The following LY96 variants were observed in gnomAD, a reference collection of about 807,000 sequenced individuals.
LY96 encodes myeloid differentiation protein-2.
A neutral mutation model predicts 18.9 loss-of-function variants in LY96; 18 were observed. The ratio of observed to expected loss-of-function variants is 0.95; its 90% CI spans 0.66 to 1.41. The LOEUF is 1.41. LY96 is among the 40% of genes most tolerant of loss of function. The pLI, the probability that LY96 is intolerant of heterozygous loss-of-function variation, is 0.00. For synonymous variants in LY96, 66 were observed against 62.6 expected (o/e 1.06, Z -0.26); for missense variants, 175 against 182.4 (o/e 0.96, Z 0.23).
the LY96 span, among the ~76,000 whole-genome samples, chr8:74,090,171 C>T: frequency 6.6e-6 from 1 of 152,112 alleles, no homozygotes; most frequent in Non-Finnish European, 1.5e-5. Flanking sequence ...AGTAAGGAGA[C>T]CCCTGCAATC....
the LY96 span, among the ~76,000 whole-genome samples, chr8:74,093,489 G>A: frequency 6.6e-6 from 1 of 152,220 alleles, no homozygotes; most frequent in Non-Finnish European, 1.5e-5. Flanking sequence ...TTAACATGTG[G>A]TAAATATGAA....
the LY96 span, among the ~76,000 whole-genome samples, chr8:74,060,830 G>A: frequency 6.6e-6 from 1 of 152,186 alleles, no homozygotes; most frequent in Non-Finnish European, 1.5e-5. Flanking sequence ...TTTAACACTT[G>A]GGGTAATTCC....
the LY96 span, among the ~76,000 whole-genome samples, chr8:74,091,103 AG>A: frequency 0.41 from 62,203 of 151,980 alleles, 13,160 homozygotes; most frequent in East Asian, 0.56. Context: ...ATGTACAGAA[AG>A]GAGTGGCATG....
At chr8:74,027,587 C>T (rs1365852682) in intron 4 of LY96, among the ~76,000 whole-genome samples, 1 of 152,114 alleles carries the variant, frequency 6.6e-6, no homozygotes, top group East Asian at 1.9e-4. Context: ...GGTCGGGCTG[C>T]CATTTCTCGC....
the LY96 span, among the ~76,000 whole-genome samples, chr8:74,081,118 T>C: frequency 1.6e-3 from 222 of 136,928 alleles, 2 homozygotes; most frequent in African/African-American, 4.0e-3. Flanking sequence ...TCTTTCTTTC[T>C]TTCTTTCCTT....
the LY96 span, among the ~76,000 whole-genome samples, chr8:74,078,883 C>T: frequency 1.3e-5 from 2 of 152,124 alleles, no homozygotes; most frequent in Admixed American, 6.5e-5. Flanking sequence ...AAGCTCTGAG[C>T]GTTTCCTCTT....
At chr8:74,054,208 G>A in the LY96 span, among the ~76,000 whole-genome samples, 2 of 152,002 alleles carry the variant, frequency 1.3e-5, no homozygotes, top group Admixed American at 1.3e-4. Context: ...AAGATTTTTT[G>A]TAGAAATGGG....
At chr8:74,012,019 AT>A (rs1816543625) in intron 3 of LY96, among the ~76,000 whole-genome samples, 1 of 152,246 alleles carries the variant, frequency 6.6e-6, no homozygotes, top group Admixed American at 6.5e-5. Flanking sequence ...CAGAATGGCT[AT>A]TCTTAAAAAG....
At chr8:74,044,833 T>C in the LY96 span, among the ~76,000 whole-genome samples, 2 of 152,244 alleles carry the variant, frequency 1.3e-5, no homozygotes, top group East Asian at 3.8e-4. Context: ...TTCAGCTGTC[T>C]TGTCAGTGGG....
At chr8:74,025,587 G>A (rs1383956626) in intron 3 of LY96, among the ~76,000 whole-genome samples, 2 of 150,278 alleles carry the variant, frequency 1.3e-5, no homozygotes, top group Non-Finnish European at 3.0e-5. Flanking sequence ...CCCAGGAGGC[G>A]GAGCTTGCAG....
At chr8:74,036,529 T>G in the LY96 span, among the ~76,000 whole-genome samples, 1 of 152,226 alleles carries the variant, frequency 6.6e-6, no homozygotes, top group Non-Finnish European at 1.5e-5. Flanking sequence ...ATTACTCAAC[T>G]GGTCCTGTGT....
chr8:74,032,374 C>T (rs1241310938), downstream of LY96, among the ~76,000 whole-genome samples: 3 of 152,224 alleles, frequency 2.0e-5, no homozygotes, highest in Non-Finnish European at 2.9e-5. Flanking sequence ...GACAGCCCGG[C>T]GTGCTGCGCC....
intron 2 of LY96, among the ~76,000 whole-genome samples, chr8:74,009,374 CAAAA>C (rs370593442): frequency 0.032 from 1,887 of 58,824 alleles, 30 homozygotes; most frequent in African/African-American, 0.091. Context: ...CAGTCTTTCT[CAAAA>C]AAAAAAAAAA....
the LY96 span, among the ~76,000 whole-genome samples, chr8:74,063,497 T>A: frequency 6.6e-6 from 1 of 152,100 alleles, no homozygotes; most frequent in Non-Finnish European, 1.5e-5. Flanking sequence ...TGGACAATCA[T>A]TTTTGTTGGA....
At chr8:74,062,174 C>G in the LY96 span, among the ~76,000 whole-genome samples, 2 of 152,290 alleles carry the variant, frequency 1.3e-5, no homozygotes, top group South Asian at 4.1e-4. Flanking sequence ...AAATTAGTAA[C>G]AGCAGGTGAC....
At chr8:74,058,854 A>G in the LY96 span, among the ~76,000 whole-genome samples, 1 of 152,282 alleles carries the variant, frequency 6.6e-6, no homozygotes, top group East Asian at 1.9e-4. Flanking sequence ...GGCTCATGCA[A>G]TTATACGGAA....
At chr8:74,039,960 G>A in the LY96 span, among the ~76,000 whole-genome samples, 1 of 152,114 alleles carries the variant, frequency 6.6e-6, no homozygotes, top group Non-Finnish European at 1.5e-5. Context: ...CCAAGGAAAG[G>A]AGACTCCCTT....
At chr8:74,097,179 G>C in the LY96 span, among the ~76,000 whole-genome samples, 1 of 152,148 alleles carries the variant, frequency 6.6e-6, no homozygotes, top group African/African-American at 2.4e-5. Context: ...TAGATATGTG[G>C]ATGCATGGAG....
intron 1 of LY96, among the ~76,000 whole-genome samples, chr8:73,999,938 T>C (rs1323143988): frequency 6.6e-6 from 1 of 152,206 alleles, no homozygotes; most frequent in African/African-American, 2.4e-5. Context: ...TCTTGACTAA[T>C]TGCTTTGGCT....
Sources: gnomAD v4.1 joint callset for allele counts (sites outside exome capture counted in the v4.1 genomes callset) on GRCh38, gnomAD v4.1.1 for gene constraint, MANE v1.5 for transcripts, NCBI Gene and HGNC (gene_info 2026-07-23, HGNC 2026-07-21) for gene names.